CORIN: variants seen among roughly 807,000 people sequenced by gnomAD.
The protein encoded by CORIN is atrial natriuretic peptide-converting enzyme.
Under a neutral mutation model 125.3 loss-of-function variants are expected in CORIN, and 117 were observed. The ratio of observed to expected loss-of-function variants is 0.93; its 90% CI spans 0.80 to 1.09. The LOEUF (loss-of-function observed/expected upper bound fraction) is 1.09. CORIN is among the 50% of genes least tolerant of loss of function. The pLI, the probability that CORIN is intolerant of heterozygous loss-of-function variation, is 0.00. For synonymous variants in CORIN, 450 were observed against 466.4 expected (o/e 0.96, Z 0.45); for missense variants, 1,253 against 1,306.7 (o/e 0.96, Z 0.63).
intron 4 of CORIN, among the ~76,000 whole-genome samples, chr4:47,760,992 T>C (rs1235422076): frequency 1.3e-5 from 2 of 152,210 alleles, no homozygotes; most frequent in Non-Finnish European, 2.9e-5. Context: ...CTTCACAAAA[T>C]TGAAGAGTTA....
chr4:47,750,751 T>C (rs1728864157), intron 4 of CORIN, among the ~76,000 whole-genome samples: 1 of 152,180 alleles, frequency 6.6e-6, no homozygotes, highest in Admixed American at 6.5e-5. Flanking sequence ...TCCCACACTA[T>C]GATCTCATGC....
At chr4:47,775,762 C>T (rs1730269511) in intron 3 of CORIN, among the ~76,000 whole-genome samples, 1 of 152,194 alleles carries the variant, frequency 6.6e-6, no homozygotes, top group African/African-American at 2.4e-5. Flanking sequence ...GCATTTTCTG[C>T]TTCACTGCTT....
At chr4:47,804,272 A>G (rs1186923462) in intron 2 of CORIN, among the ~76,000 whole-genome samples, 2 of 152,220 alleles carry the variant, frequency 1.3e-5, no homozygotes, top group Non-Finnish European at 2.9e-5. Context: ...GTAAATTAGT[A>G]CAACCACTAT....
chr4:47,712,504 A>C (rs563912153), intron 5 of CORIN, among the ~76,000 whole-genome samples: 7 of 152,182 alleles, frequency 4.6e-5, no homozygotes, highest in African/African-American at 1.7e-4. Context: ...GCTGGTCTTG[A>C]ACTCCTGGGC....
At chr4:47,692,814 A>T (rs1243223039) in intron 6 of CORIN, among the ~76,000 whole-genome samples, 156 bp downstream of exon 6, 2 of 152,306 alleles carry the variant, frequency 1.3e-5, no homozygotes, top group Non-Finnish European at 2.9e-5. Context: ...TGCCTTTGAA[A>T]GGTGTGCAAA....
At chr4:47,756,794 A>G (rs1322659914) in intron 4 of CORIN, among the ~76,000 whole-genome samples, 1 of 152,198 alleles carries the variant, frequency 6.6e-6, no homozygotes, top group African/African-American at 2.4e-5. Flanking sequence ...TATCTCTGCA[A>G]TGTACTGGAA....
intron 10 of CORIN, among the ~76,000 whole-genome samples, chr4:47,668,808 T>C (rs1289948211): frequency 6.6e-6 from 1 of 152,220 alleles, no homozygotes; most frequent in Non-Finnish European, 1.5e-5. Context: ...AGGAAAGGAT[T>C]AAGTAATGAT....
intron 15 of CORIN, chr4:47,642,876 T>C: frequency 6.8e-7 from 1 of 1,463,308 alleles, no homozygotes; most frequent in Non-Finnish European, 8.9e-7. Context: ...AGTTTTTAAA[T>C]CCTCTCCCAG....
At chr4:47,832,386 T>C (rs1647145862) in intron 1 of CORIN, among the ~76,000 whole-genome samples, 1 of 151,790 alleles carries the variant, frequency 6.6e-6, no homozygotes, top group Non-Finnish European at 1.5e-5. Context: ...AAGAAGCAAA[T>C]AGAGGTGCTT....
intron 3 of CORIN, among the ~76,000 whole-genome samples, chr4:47,774,680 A>G (rs948476783): frequency 6.6e-6 from 1 of 152,158 alleles, no homozygotes; most frequent in Non-Finnish European, 1.5e-5. Flanking sequence ...CTTTCTGGCT[A>G]GTATTTTCTG....
chr4:47,729,100 G>A (rs61762910), intron 5 of CORIN, among the ~76,000 whole-genome samples: 13 of 152,092 alleles, frequency 8.5e-5, no homozygotes, highest in Non-Finnish European at 1.5e-4. Context: ...TTTATCCTGG[G>A]TATGTGGCAT....
chr4:47,671,836 GC>G (rs1175174945), intron 10 of CORIN, among the ~76,000 whole-genome samples: 1 of 151,874 alleles, frequency 6.6e-6, no homozygotes, highest in Admixed American at 6.6e-5. Context: ...TGATCCACCC[GC>G]CTCGGCCTCC....
chr4:47,687,658 C>T (rs1299710470), intron 6 of CORIN, among the ~76,000 whole-genome samples: 1 of 152,180 alleles, frequency 6.6e-6, no homozygotes, highest in Non-Finnish European at 1.5e-5. Flanking sequence ...GTCTCTATGA[C>T]TATAAACATG....
Position 47,653,597 on chromosome 4 carries a change from T to G in CORIN, c.1799A>C (p.Asp600Ala). The change falls in exon 13 of 22, where the codon GAT becomes GCT. Residue 600 changes from aspartate (D) to alanine (A), a missense_variant. Physicochemically the swap from Asp to Ala is moderately radical, Grantham distance 126. Coordinates refer to ENST00000273857, the MANE Select transcript of CORIN (RefSeq NM_006587.4). The stretch of plus-strand genomic sequence containing the variant: ...GTCATCGTCACAGTCGGCCTGGCCA[T>G]CACATCTTCTGGAAGCCAGAACACA... ...GQCVLASRRC[D>A]GQADCDDDSD... The G allele has an allele frequency of 6.2e-7, 1 of 1,614,140 alleles. No individual in the cohort carries two copies. Among genetic ancestry groups the G allele is most frequent in the Non-Finnish European group, 8.5e-7 (1 of 1,179,970 alleles).
chr4:47,723,986 A>T (rs1450907624), intron 5 of CORIN, among the ~76,000 whole-genome samples: 4 of 128,528 alleles, frequency 3.1e-5, no homozygotes, highest in Non-Finnish European at 6.3e-5. Flanking sequence ...ACAGAGTGAG[A>T]CTCCATCTCA....
rs1405603491 is a variant in CORIN, at chr4:47,665,028, T to A, written c.1589+4A>T. On this transcript the variant is annotated splice_donor_region_variant and intron_variant, in intron 11 of 21. Coordinates refer to ENST00000273857, the MANE Select transcript of CORIN (RefSeq NM_006587.4). ...AGGGACTGGGGTAGATCCCATCATA[T>A]TACCTGCAAGGAGGGATATGCTCGC... is the stretch of plus-strand genomic sequence containing the variant. 2 of 1,587,692 alleles carry A rather than the reference T, an allele frequency of 1.3e-6. No homozygotes were observed. The highest frequency in any genetic ancestry group is 1.7e-6 in the Non-Finnish European group (2 of 1,156,246).
intron 4 of CORIN, among the ~76,000 whole-genome samples, chr4:47,745,829 ATCT>A (rs1043713462): frequency 1.5e-4 from 23 of 152,248 alleles, no homozygotes; most frequent in Non-Finnish European, 4.4e-5. Context: ...TAGGGCAGAG[ATCT>A]TTGTACATAA....
intron 1 of CORIN, among the ~76,000 whole-genome samples, chr4:47,811,947 CT>C (rs980125422): frequency 4.9e-4 from 74 of 152,230 alleles, no homozygotes; most frequent in African/African-American, 1.8e-3. Flanking sequence ...ATGTGAGCCC[CT>C]GATGTAGTGT....
At chr4:47,831,731 G>C (rs1338709054) in intron 1 of CORIN, among the ~76,000 whole-genome samples, 1 of 152,120 alleles carries the variant, frequency 6.6e-6, no homozygotes, top group African/African-American at 2.4e-5. Context: ...GTAATGGGTT[G>C]AATAGTGTCT....
Sources: gnomAD v4.1 joint callset for allele counts (sites outside exome capture counted in the v4.1 genomes callset) on GRCh38, gnomAD v4.1.1 for gene constraint, MANE v1.5 for transcripts, NCBI Gene and HGNC (gene_info 2026-07-23, HGNC 2026-07-21) for gene names.